The following KDM4B variants were observed in gnomAD, a reference collection of about 807,000 sequenced individuals.
The protein encoded by KDM4B is lysine demethylase 4B, also known as lysine-specific demethylase 4B.
In KDM4B, 32 loss-of-function variants were observed where a neutral mutation model predicts 125.2. The observed-to-expected ratio is 0.26, with a 90% confidence interval of 0.19 to 0.34. The LOEUF is 0.34. Ranked by LOEUF, KDM4B falls within the 10% of genes least tolerant of loss-of-function variation. The pLI is 1.00. For missense variants in KDM4B, 1,190 were observed against 1,577.7 expected (o/e 0.75, Z 4.16); for synonymous variants, 721 against 677.9 (o/e 1.06, Z -0.99).
Position 5,023,039 on chromosome 19 carries a change from C to T in KDM4B, c.-26+6700C>T, listed in dbSNP as rs146075059. Among the ~76,000 whole-genome samples, 350 of 152,194 alleles carry T rather than the reference C, an allele frequency of 2.3e-3. 1 individual carries two copies. The highest frequency in any genetic ancestry group is 0.01 in the Middle Eastern group (3 of 294). ...CTTAAATGACAAAAGGGACTTTTCG[C>T]GGGTGGGACTGAGTGAAGGACCCTG... On this transcript the variant is annotated intron_variant, in intron 2 of 22. Coordinates refer to ENST00000159111, the MANE Select transcript of KDM4B (RefSeq NM_015015.3).
intron 2 of KDM4B, among the ~76,000 whole-genome samples, chr19:5,025,659 C>T (rs771830927): frequency 1.5e-4 from 23 of 152,222 alleles, no homozygotes; most frequent in Non-Finnish European, 3.2e-4. Context: ...GCCTCCTCTG[C>T]GCTCCCTGCC....
rs538528443 is a variant in KDM4B, at chr19:5,115,661, C to G, written c.1116-3992C>G. Among the ~76,000 whole-genome samples the G allele has an allele frequency of 6.6e-6, 1 of 152,340 alleles. No individual in the cohort carries two copies. Among genetic ancestry groups the G allele is most frequent in the South Asian group, 2.1e-4 (1 of 4,828 alleles). On this transcript the variant is annotated intron_variant, in intron 10 of 22. Coordinates refer to ENST00000159111, the MANE Select transcript of KDM4B (RefSeq NM_015015.3). This position sits in a 1 kb window ranked among gnomAD's most constrained non-coding sequence, Gnocchi z 4.2. ...CTGCACAGCAAAGAAGGGCAGAGCT[C>G]CGAGGAAAGAGGATGCAGTGAGTGC...
chr19:5,064,470 G>A (rs539247815), intron 6 of KDM4B, among the ~76,000 whole-genome samples: 4 of 151,990 alleles, frequency 2.6e-5, no homozygotes, highest in South Asian at 2.1e-4. Flanking sequence ...CGGCGGGGGT[G>A]GGGGGTAGGG....
intron 6 of KDM4B, among the ~76,000 whole-genome samples, chr19:5,054,557 AGTCT>A (rs2037337672): frequency 6.6e-6 from 1 of 150,478 alleles, no homozygotes; most frequent in Non-Finnish European, 1.5e-5. Context: ...CCAGTCACAT[AGTCT>A]GTCTGGGAGG....
intron 1 of KDM4B, among the ~76,000 whole-genome samples, chr19:5,002,240 C>G (rs1254398732): frequency 6.6e-6 from 1 of 152,214 alleles, no homozygotes; most frequent in Admixed American, 6.5e-5. Flanking sequence ...TCAGGTGATT[C>G]ACCGGCCTTG....
At chr19:4,980,768 C>CG (rs1210971989) in intron 1 of KDM4B, among the ~76,000 whole-genome samples, 1 of 152,042 alleles carries the variant, frequency 6.6e-6, no homozygotes, top group Non-Finnish European at 1.5e-5. Context: ...TTCCCCTGTG[C>CG]GGGGGGTGTC....
intron 1 of KDM4B, among the ~76,000 whole-genome samples, chr19:5,004,471 C>T (rs968714969): frequency 1.3e-5 from 2 of 152,166 alleles, no homozygotes; most frequent in African/African-American, 4.8e-5. Flanking sequence ...AGAGACGGAT[C>T]GTCAGGCCCA....
intron 6 of KDM4B, among the ~76,000 whole-genome samples, chr19:5,056,827 G>A (rs2037410214): frequency 1.3e-5 from 2 of 151,822 alleles, no homozygotes; most frequent in Admixed American, 1.3e-4. Flanking sequence ...GGAGTCCTGG[G>A]GTGTCTAGAG....
In KDM4B at chr19:5,114,092, C is replaced by A; in HGVS notation, c.1115+3274C>A. 1 of 1,289,508 alleles carries A rather than the reference C, an allele frequency of 7.8e-7. No individual in the cohort carries two copies. The highest frequency in any genetic ancestry group is 1.2e-5 in the South Asian group (1 of 81,008). 79.9% of individuals were successfully genotyped at this position (1,289,508 alleles called of 1,614,324 possible). A position where few individuals can be genotyped will look rare whatever the true frequency, so the allele number is the denominator to read the frequency against. On this transcript the variant is annotated intron_variant, in intron 10 of 22. Transcript: ENST00000159111. The surrounding 1 kb of genome is among the most constrained non-coding windows in gnomAD (Gnocchi z 5.8). Reference sequence around the variant, plus strand: ...GGCGGGTGCCCTCAGCCTCCCCACTCCCGGTGGCGCTGTGCGTTCTGGTGC... The same window carrying A: ...GGCGGGTGCCCTCAGCCTCCCCACTACCGGTGGCGCTGTGCGTTCTGGTGC...
intron 1 of KDM4B, among the ~76,000 whole-genome samples, chr19:5,003,834 C>A (rs1157646906): frequency 6.6e-6 from 1 of 152,114 alleles, no homozygotes; most frequent in Admixed American, 6.6e-5. Context: ...GCTTACCCCA[C>A]TGCCTTGGGG....
chr19:5,111,976 A>G (rs2039157060), intron 10 of KDM4B: 3 of 630,368 alleles, frequency 4.8e-6, no homozygotes, highest in Non-Finnish European at 8.7e-6. Flanking sequence ...AACATTGGCC[A>G]GGCACGATCG....
At chr19:5,107,183 C>T (rs944615822) in intron 9 of KDM4B, among the ~76,000 whole-genome samples, 8 of 152,256 alleles carry the variant, frequency 5.3e-5, no homozygotes, top group African/African-American at 1.9e-4. Context: ...CACCCATGCA[C>T]ACGGTTCTAG....
intron 11 of KDM4B, among the ~76,000 whole-genome samples, chr19:5,122,436 C>CT (rs2039378312): frequency 6.6e-6 from 1 of 152,210 alleles, no homozygotes; most frequent in Non-Finnish European, 1.5e-5. Flanking sequence ...ATGCAGATGC[C>CT]TTTGGGGTCA....
chr19:5,051,570 C>T (rs2145726093), intron 6 of KDM4B, among the ~76,000 whole-genome samples: 1 of 152,366 alleles, frequency 6.6e-6, no homozygotes, highest in South Asian at 2.1e-4. Context: ...CAGCTGCTTG[C>T]ACTGGCTCCA....
At chr19:5,147,898 T>G (rs1351188631) in intron 21 of KDM4B, among the ~76,000 whole-genome samples, 1 of 152,106 alleles carries the variant, frequency 6.6e-6, no homozygotes, top group Non-Finnish European at 1.5e-5. Flanking sequence ...CACACAATCA[T>G]GCAAACGCCC....
chr19:5,040,045 GC>G, intron 4 of KDM4B, 34 bp downstream of exon 4: 3 of 1,575,420 alleles, frequency 1.9e-6, no homozygotes, highest in Non-Finnish European at 2.6e-6. Context: ...CCTGACCCCC[GC>G]CCCCGGGGGC....
intron 14 of KDM4B, 58 bp from the exon 15 acceptor site, chr19:5,135,281 G>C (rs553434904): frequency 2.4e-6 from 3 of 1,263,228 alleles, no homozygotes; most frequent in Admixed American, 1.8e-5. Context: ...GGTCCGCGCC[G>C]CCCGCCCGCC....
intron 9 of KDM4B, among the ~76,000 whole-genome samples, chr19:5,083,149 G>A (rs2038356777): frequency 1.3e-5 from 2 of 152,168 alleles, no homozygotes; most frequent in Non-Finnish European, 1.5e-5. Flanking sequence ...TCAGAAGGCC[G>A]ATTATTGGCC....
intron 2 of KDM4B, among the ~76,000 whole-genome samples, chr19:5,018,448 C>A (rs1052453068): frequency 6.6e-6 from 1 of 152,198 alleles, no homozygotes; most frequent in Non-Finnish European, 1.5e-5. Flanking sequence ...GGGAGCAGGG[C>A]TCCTGCTTCC....
Sources: allele counts gnomAD v4.1 joint callset (sites outside exome capture counted in the v4.1 genomes callset), GRCh38; gene constraint gnomAD v4.1.1; non-coding constraint Gnocchi (gnomAD v3.1); transcripts MANE v1.5; gene names NCBI Gene and HGNC (gene_info 2026-07-23, HGNC 2026-07-21).